The following CAND1 variants were observed in gnomAD, a reference collection of about 807,000 sequenced individuals.
The protein encoded by CAND1 is cullin-associated NEDD8-dissociated protein 1.
A neutral mutation model predicts 108.5 loss-of-function variants in CAND1; 7 were observed. The ratio of observed to expected loss-of-function variants is 0.06; its 90% CI spans 0.04 to 0.12. The LOEUF (loss-of-function observed/expected upper bound fraction) is 0.12, where lower values mean the gene tolerates loss of function less well. Among genes scored for constraint, CAND1 ranks in the 10% least tolerant of loss-of-function variants. The pLI is 1.00. For missense variants in CAND1, 941 were observed against 1,448.7 expected (o/e 0.65, Z 5.69); for synonymous variants, 534 against 512.0 (o/e 1.04, Z -0.58).
rs913192704 is a variant in CAND1, at chr12:67,319,889, C to G, written c.*7059C>G. ...CTCTATATATGGTTTTGGATTCATT[C>G]CTTTTAAAAAATATTTACTGTCATT... On this transcript the variant is annotated 3_prime_UTR_variant, in exon 15 of 15. Transcript: ENST00000545606. 5.3e-5 allele frequency: 8 copies of G among 152,138 alleles called. No homozygotes were observed. Among genetic ancestry groups the G allele is most frequent in the Non-Finnish European group, 1.0e-4 (7 of 68,032 alleles). 9.4% of individuals were successfully genotyped at this position (152,138 alleles called of 1,614,324 possible).
chr12:67,304,100 C>G (rs1175866349), intron 8 of CAND1, among the ~76,000 whole-genome samples: 1 of 151,572 alleles, frequency 6.6e-6, no homozygotes, highest in Non-Finnish European at 1.5e-5. Context: ...AGCGATTCTC[C>G]TGTCTCAGCC....
At chr12:67,312,568 T>G (rs373512562) in intron 14 of CAND1, 38 bp from the exon 15 acceptor site, 1 of 1,438,380 alleles carries the variant, frequency 7.0e-7, no homozygotes, top group Non-Finnish European at 9.5e-7. Context: ...AAGAGCTGTC[T>G]TTTATAGCAT....
chr12:67,315,947 C>T lies in CAND1; in HGVS notation c.*3117C>T, dbSNP rs1433277434. On this transcript the variant is annotated 3_prime_UTR_variant, in exon 15 of 15. Transcript: ENST00000545606. ...TCACAAGACAAAGTATATAGTAACACTTTGTAATGAAGTAACATTTTCTGC... is the reference window on the plus strand; with the variant it reads ...TCACAAGACAAAGTATATAGTAACATTTTGTAATGAAGTAACATTTTCTGC... The T allele has an allele frequency of 2.0e-5, 3 of 152,150 alleles. No individual in the cohort carries two copies. Among genetic ancestry groups the T allele is most frequent in the Non-Finnish European group, 2.9e-5 (2 of 68,022 alleles). The allele number at this position is 152,150 out of a possible 1,614,324, so 9.4% of individuals were successfully genotyped here.
In CAND1 at chr12:67,311,669, TTCTG is replaced by T. The variant is rs762298594; in HGVS notation, c.3361-20_3361-17del. ...TTTAGAAAATGATGTCAAATCTAAA[TTCTG>T]TCTTTTTTATTCCTAATAGATGCTG... On this transcript the variant is annotated intron_variant, in intron 13 of 14. Transcript: ENST00000545606. 1.2e-5 allele frequency: 17 copies of T among 1,393,730 alleles called. No individual in the cohort carries two copies. Among genetic ancestry groups the T allele is most frequent in the Non-Finnish European group, 1.7e-5 (17 of 987,678 alleles). The allele number at this position is 1,393,730 out of a possible 1,614,324, so 86.3% of individuals were successfully genotyped here. A position where few individuals can be genotyped will look rare whatever the true frequency, so the allele number is the denominator to read the frequency against.
chr12:67,302,299 G>A, intron 7 of CAND1, 24 bp from the exon 8 acceptor site: 1 of 1,590,942 alleles, frequency 6.3e-7, no homozygotes, highest in Non-Finnish European at 8.6e-7. Flanking sequence ...TTAATAGCCT[G>A]TTTACATTAA....
In CAND1 at chr12:67,302,454, G is replaced by A. The variant is rs757871637; in HGVS notation, c.1132G>A (p.Ala378Thr). The A allele has an allele frequency of 4.3e-5, 70 of 1,613,986 alleles. No individual in the cohort carries two copies. The highest frequency in any genetic ancestry group is 5.6e-5 in the Non-Finnish European group (66 of 1,179,986). Residue 378 changes from alanine to threonine, a missense_variant, in exon 8 of 15, where the codon GCA (alanine) becomes ACA (threonine). Ala to Thr is a moderately conservative substitution (Grantham distance 58). Coordinates refer to ENST00000545606, the MANE Select transcript of CAND1 (RefSeq NM_018448.5). ...AGAATTCTACAAGACCGTCTCTCCT[G>A]CACTAATATCCAGATTTAAAGAGCG... ...LPEFYKTVSP[A>T]LISRFKEREE...
chr12:67,283,625 C>G (rs1195193887), intron 2 of CAND1, among the ~76,000 whole-genome samples: 2 of 150,526 alleles, frequency 1.3e-5, no homozygotes, highest in African/African-American at 4.9e-5. Context: ...ACAGATCAGT[C>G]AGTAATTTTA....
In CAND1 at chr12:67,313,523, T is replaced by C. The variant is rs1172666611; in HGVS notation, c.*693T>C. ...TAAGTATTAGTGCAATTTTCAGATATTTATTTTTGCACAGAAAACACATTA... is the reference window on the plus strand; with the variant it reads ...TAAGTATTAGTGCAATTTTCAGATACTTATTTTTGCACAGAAAACACATTA... On this transcript the variant is annotated 3_prime_UTR_variant, in exon 15 of 15. Transcript: ENST00000545606. 1.1e-4 allele frequency: 17 copies of C among 152,632 alleles called. No homozygotes were observed. Among genetic ancestry groups the C allele is most frequent in the Admixed American group, 1.1e-3 (17 of 15,278 alleles). 9.5% of individuals were successfully genotyped at this position (152,632 alleles called of 1,614,324 possible).
Position 67,305,863 on chromosome 12 carries a change from G to A in CAND1, c.2195G>A (p.Gly732Glu). The change falls in exon 10 of 15, where the codon GGA becomes GAA. Residue 732 changes from glycine (G) to glutamate (E), a missense_variant. Around this residue, in one of 9 missense-constraint regions of CAND1, gnomAD observed 697 missense variants for 942.0 expected, o/e 0.74. Coordinates refer to ENST00000545606, the MANE Select transcript of CAND1 (RefSeq NM_018448.5). This position sits in a 1 kb window ranked among gnomAD's most constrained non-coding sequence, Gnocchi z 4.4. ...VYPSSLSKISGSILNELIGLV... is the reference protein window; with the variant it reads ...VYPSSLSKISESILNELIGLV... ...CCCTCCTCCCTTTCAAAGATAAGTGGATCCATTCTCAATGAACTTATTGGA... is the reference window on the plus strand; with the variant it reads ...CCCTCCTCCCTTTCAAAGATAAGTGAATCCATTCTCAATGAACTTATTGGA... 1 of 1,614,128 alleles carries A rather than the reference G, an allele frequency of 6.2e-7. No individual in the cohort carries two copies. Among genetic ancestry groups the A allele is most frequent in the Non-Finnish European group, 8.5e-7 (1 of 1,180,010 alleles).
In CAND1 at chr12:67,269,641, A is replaced by G; in HGVS notation, c.-77A>G. 7.8e-7 allele frequency: 1 copy of G among 1,279,442 alleles called. No individual in the cohort carries two copies. The highest frequency in any genetic ancestry group is 1.1e-6 in the Non-Finnish European group (1 of 899,884). 79.3% of individuals were successfully genotyped at this position (1,279,442 alleles called of 1,614,324 possible). ...CGCCGCGAGCGAGAGGAGGAGCTCCAGTGGCGGCGGCGGCGGCGGCAGCGG... is the reference window on the plus strand; with the variant it reads ...CGCCGCGAGCGAGAGGAGGAGCTCCGGTGGCGGCGGCGGCGGCGGCAGCGG... On this transcript the variant is annotated 5_prime_UTR_variant, in exon 1 of 15. Coordinates refer to ENST00000545606, the MANE Select transcript of CAND1 (RefSeq NM_018448.5).
chr12:67,294,743 GTTATT>G (rs2136006992), intron 3 of CAND1, among the ~76,000 whole-genome samples: 1 of 152,310 alleles, frequency 6.6e-6, no homozygotes, highest in South Asian at 2.1e-4. Context: ...TGTCCAGTAA[GTTATT>G]TTATTGAAAA....
intron 8 of CAND1, 125 bp from the exon 9 acceptor site, chr12:67,304,480 C>A: frequency 1.1e-6 from 1 of 938,722 alleles, no homozygotes; most frequent in Non-Finnish European, 1.6e-6. Context: ...CAATAGATAG[C>A]TGAATTAGGA....
At chr12:67,303,837 A>C (rs1433596709) in intron 8 of CAND1, among the ~76,000 whole-genome samples, 1 of 152,136 alleles carries the variant, frequency 6.6e-6, no homozygotes, top group Non-Finnish European at 1.5e-5. Flanking sequence ...CAGCAAATGG[A>C]AAGTAAGAAA....
At position 67,306,047 on chromosome 12, in the gene CAND1, G is replaced by A; in HGVS notation, c.2379G>A (p.Lys793=). 2 of 1,614,128 alleles carry A rather than the reference G, an allele frequency of 1.2e-6. No individual in the cohort carries two copies. Among genetic ancestry groups the A allele is most frequent in the Non-Finnish European group, 1.7e-6 (2 of 1,180,012 alleles). ...CTCAGAGCACAGCTCTTACTCATAA[G>A]CAGTCTTATTATTCCATTGCCAAAT... The part of the protein sequence containing the change: ...VYSQSTALTH[K]QSYYSIAKCV... The change falls in exon 10 of 15, where the codon AAG becomes AAA. Residue 793 remains lysine (K), a synonymous_variant. Coordinates refer to ENST00000545606, the MANE Select transcript of CAND1 (RefSeq NM_018448.5).
chr12:67,303,978 ATTTC>A lies in CAND1; in HGVS notation c.1294-617_1294-614del, dbSNP rs370285576. Among the ~76,000 whole-genome samples, 41 of 148,320 alleles carry A rather than the reference ATTTC, an allele frequency of 2.8e-4. 1 individual carries two copies. The highest frequency in any genetic ancestry group is 3.5e-3 in the Middle Eastern group (1 of 286). On this transcript the variant is annotated intron_variant, in intron 8 of 14. Transcript: ENST00000545606. The stretch of plus-strand genomic sequence containing the variant: ...TTTTATTGAAAATATGATTTGATTA[ATTTC>A]TTTCTTTCTCTTTTTTTTTTTTTTT...
At chr12:67,281,692 C>T (rs561255807) in intron 1 of CAND1, among the ~76,000 whole-genome samples, 4 of 152,162 alleles carry the variant, frequency 2.6e-5, no homozygotes, top group South Asian at 2.1e-4. Flanking sequence ...AAAGTCTCAC[C>T]GTCTCTCTGG....
chr12:67,302,384 G>C lies in CAND1; in HGVS notation c.1062G>C (p.Ala354=), dbSNP rs1030113286. 8 of 1,613,952 alleles carry C rather than the reference G, an allele frequency of 5.0e-6. No homozygotes were observed. In the African/African-American group the frequency reaches 9.3e-5, roughly 19 times the overall value. ...GTTGGAAAGTGAGACGTGCAGCTGC[G>C]AAGTGCTTGGATGCTGTAGTTAGCA... ...DMSWKVRRAA[A]KCLDAVVSTR... Residue 354 remains alanine (A), a synonymous_variant, in exon 8 of 15, where the codon GCG becomes GCC. Transcript: ENST00000545606.
At chr12:67,293,121 T>C in intron 3 of CAND1, 1 of 234,180 alleles carries the variant, frequency 4.3e-6, no homozygotes, top group Non-Finnish European at 8.3e-6. Context: ...TCCTGATTAG[T>C]TCACTGTTTC....
In CAND1 at chr12:67,312,752, C is replaced by T. The variant is rs1400868693; in HGVS notation, c.3615C>T (p.Asn1205=). 1 of 1,613,674 alleles carries T rather than the reference C, an allele frequency of 6.2e-7. No homozygotes were observed. The highest frequency in any genetic ancestry group is 8.5e-7 in the Non-Finnish European group (1 of 1,179,844). Residue 1205 remains asparagine, a synonymous_variant, in exon 15 of 15, where the codon AAC becomes AAT. Coordinates refer to ENST00000545606, the MANE Select transcript of CAND1 (RefSeq NM_018448.5). ...MSEFQSQISS[N]PELAAIFESI... is the part of the protein sequence containing the mutation. ...AATTCCAGTCACAGATCAGTTCTAA[C>T]CCTGAGCTGGCGGCTATCTTTGAAA...
Sources: allele counts gnomAD v4.1 joint callset (sites outside exome capture counted in the v4.1 genomes callset), GRCh38; gene constraint gnomAD v4.1.1; regional missense constraint gnomAD v4.1.1; non-coding constraint Gnocchi (gnomAD v3.1); transcripts MANE v1.5; gene names NCBI Gene and HGNC (gene_info 2026-07-23, HGNC 2026-07-21).